ZDHHC7: variants seen among roughly 807,000 people sequenced by gnomAD.
ZDHHC7 encodes the protein zDHHC palmitoyltransferase 7.
ZDHHC7 carries 12 observed loss-of-function variants against 34.1 expected under a neutral mutation model. The observed-to-expected ratio is 0.35, with a 90% CI of 0.23 to 0.57. ZDHHC7 has a LOEUF of 0.57. ZDHHC7 is among the 20% of genes least tolerant of loss of function. The pLI is 0.84. For missense variants in ZDHHC7, 388 were observed against 402.7 expected (o/e 0.96, Z 0.31); for synonymous variants, 185 against 155.4 (o/e 1.19, Z -1.42).
chr16:84,995,662 T>C (rs1427737620), intron 2 of ZDHHC7, among the ~76,000 whole-genome samples: 8 of 152,040 alleles, frequency 5.3e-5, no homozygotes, highest in Admixed American at 3.9e-4. Context: ...CCACTTTCCA[T>C]TTCAGGTGGA....
chr16:85,001,300 G>A (rs762597897), intron 1 of ZDHHC7, among the ~76,000 whole-genome samples: 27 of 151,974 alleles, frequency 1.8e-4, no homozygotes, highest in Non-Finnish European at 2.9e-4. Context: ...GCGAAACCCC[G>A]TCTCTACTAA....
In ZDHHC7 at chr16:84,975,725, A is replaced by G. The variant is rs111818654; in HGVS notation, c.*618T>C. The G allele has an allele frequency of 6.5e-6, 1 of 152,716 alleles. No individual in the cohort carries two copies. The highest frequency in any genetic ancestry group is 1.5e-5 in the Non-Finnish European group (1 of 68,388). The allele number at this position is 152,716 out of a possible 1,614,324, so 9.5% of individuals were successfully genotyped here. ...TGGCAATTTTGACACACATGCACAC[A>G]CGCGCGCACACGCACAGACACGCAC... On this transcript the variant is annotated 3_prime_UTR_variant, in exon 8 of 8. Coordinates refer to ENST00000313732, the MANE Select transcript of ZDHHC7 (RefSeq NM_017740.3).
chr16:84,984,799 A>T (rs893688813), intron 3 of ZDHHC7, among the ~76,000 whole-genome samples: 2 of 152,148 alleles, frequency 1.3e-5, no homozygotes, highest in African/African-American at 4.8e-5. Flanking sequence ...TGAGGCCCCG[A>T]GTCTATCACC....
the ZDHHC7 span, among the ~76,000 whole-genome samples, chr16:85,016,836 C>G: frequency 6.6e-6 from 1 of 152,054 alleles, no homozygotes; most frequent in Non-Finnish European, 1.5e-5. Context: ...ATCTGTTTCT[C>G]AACGGAAGTG....
chr16:84,995,646 A>C (rs2072567246), intron 2 of ZDHHC7, among the ~76,000 whole-genome samples: 3 of 152,014 alleles, frequency 2.0e-5, no homozygotes, highest in Non-Finnish European at 4.4e-5. Flanking sequence ...GACAAAAAAA[A>C]CCAAACCACT....
chr16:84,980,336 C>T (rs570442282), intron 4 of ZDHHC7, among the ~76,000 whole-genome samples: 17 of 152,032 alleles, frequency 1.1e-4, no homozygotes, highest in Middle Eastern at 6.8e-3. Flanking sequence ...ACTTCCAAAA[C>T]ATTCCCATTT....
intron 2 of ZDHHC7, among the ~76,000 whole-genome samples, chr16:84,993,021 C>G (rs1317427649): frequency 1.3e-5 from 2 of 152,072 alleles, no homozygotes; most frequent in African/African-American, 4.8e-5. Context: ...ATTTTTCAAT[C>G]AGATAAAAGC....
the ZDHHC7 span, among the ~76,000 whole-genome samples, chr16:85,022,050 C>G: frequency 1.3e-5 from 2 of 150,866 alleles, no homozygotes; most frequent in Non-Finnish European, 2.9e-5. Flanking sequence ...GTCCCAGCTA[C>G]TCAGGAGGCT....
intron 1 of ZDHHC7, among the ~76,000 whole-genome samples, chr16:85,003,406 C>G (rs1210862028): frequency 6.6e-6 from 1 of 152,214 alleles, no homozygotes; most frequent in Non-Finnish European, 1.5e-5. Flanking sequence ...CCTCAACTCA[C>G]AAAAGGAGCG....
At position 84,990,319 on chromosome 16, in the gene ZDHHC7, G is replaced by A. The variant is rs751165574; in HGVS notation, c.300C>T (p.Thr100=). The change falls in exon 3 of 8, where the codon ACC becomes ACT. Residue 100 remains threonine (T), a synonymous_variant. Coordinates refer to ENST00000313732, the MANE Select transcript of ZDHHC7 (RefSeq NM_017740.3). ...CAGTACTCACAGGGTCGGTGAGCAT[G>A]GTTCTCAGGTGGGATGACAGGGCAA... ...AVLALSSHLR[T]MLTDPGAVPK... 1 of 1,613,910 alleles carries A rather than the reference G, an allele frequency of 6.2e-7. No individual in the cohort carries two copies. Among genetic ancestry groups the A allele is most frequent in the Non-Finnish European group, 8.5e-7 (1 of 1,179,874 alleles).
chr16:85,000,641 G>T (rs370168328), intron 1 of ZDHHC7, among the ~76,000 whole-genome samples: 1 of 152,118 alleles, frequency 6.6e-6, no homozygotes, highest in East Asian at 1.9e-4. Context: ...ATAAAAAACG[G>T]AATTAAGCAA....
At chr16:85,004,894 G>A (rs1330776513) in intron 1 of ZDHHC7, 3 of 152,184 alleles carry the variant, frequency 2.0e-5, no homozygotes, top group Non-Finnish European at 4.4e-5. Flanking sequence ...AGAGGGAGAC[G>A]GGGGTGAAGA....
intron 1 of ZDHHC7, chr16:85,004,785 CAG>C (rs1398380477): frequency 6.6e-6 from 1 of 152,234 alleles, no homozygotes; most frequent in Non-Finnish European, 1.5e-5. Flanking sequence ...AGGCAAACGA[CAG>C]GGGCGTGTGA....
chr16:84,984,241 G>A (rs1260453618), intron 3 of ZDHHC7, among the ~76,000 whole-genome samples: 1 of 151,894 alleles, frequency 6.6e-6, no homozygotes, highest in African/African-American at 2.4e-5. Context: ...GGCTGGTCTC[G>A]AACTCCTGAC....
chr16:85,024,526 C>T, the ZDHHC7 span, among the ~76,000 whole-genome samples: 28 of 152,270 alleles, frequency 1.8e-4, no homozygotes, highest in African/African-American at 5.1e-4. Context: ...CCACGGTGCC[C>T]GGACAGAATA....
chr16:85,024,379 G>A, the ZDHHC7 span, among the ~76,000 whole-genome samples: 28 of 150,804 alleles, frequency 1.9e-4, no homozygotes, highest in African/African-American at 6.1e-4. Flanking sequence ...TTATAGGCAC[G>A]CGCCACCATG....
At chr16:84,985,963 A>T (rs2072431305) in intron 3 of ZDHHC7, among the ~76,000 whole-genome samples, 1 of 151,576 alleles carries the variant, frequency 6.6e-6, no homozygotes, top group African/African-American at 2.4e-5. Context: ...AAAAAAAAAA[A>T]AAAAAAAAAA....
chr16:84,992,504 G>C (rs1440009099), intron 2 of ZDHHC7, among the ~76,000 whole-genome samples: 2 of 152,098 alleles, frequency 1.3e-5, no homozygotes, highest in Admixed American at 1.3e-4. Flanking sequence ...CACTTTTCCT[G>C]GTAACTGTTT....
At chr16:85,014,632 C>G (rs66677993), upstream of ZDHHC7, among the ~76,000 whole-genome samples, 9,337 of 152,250 alleles carry the variant, frequency 0.061, 323 homozygotes, top group Middle Eastern at 0.085. Context: ...GCTACATGAT[C>G]CAGTCTCCAG....
Sources: allele counts gnomAD v4.1 joint callset (sites outside exome capture counted in the v4.1 genomes callset), GRCh38; gene constraint gnomAD v4.1.1; transcripts MANE v1.5; gene names NCBI Gene and HGNC (gene_info 2026-07-23, HGNC 2026-07-21).